The following DHX32 variants were observed in gnomAD, a reference collection of about 807,000 sequenced individuals.
DHX32 encodes putative pre-mRNA-splicing factor ATP-dependent RNA helicase DHX32.
A neutral mutation model predicts 70.0 loss-of-function variants in DHX32; 51 were observed. The ratio of observed to expected loss-of-function variants is 0.73; its 90% confidence interval spans 0.58 to 0.92. The LOEUF is 0.92. DHX32 is among the 40% of genes least tolerant of loss of function. DHX32 has a pLI of 0.00. For synonymous variants in DHX32, 310 were observed against 315.3 expected (o/e 0.98, Z 0.18); for missense variants, 762 against 891.8 (o/e 0.85, Z 1.85).
intron 6 of DHX32, among the ~76,000 whole-genome samples, chr10:125,844,866 C>A (rs1564823983): frequency 6.6e-6 from 1 of 152,372 alleles, no homozygotes; most frequent in Non-Finnish European, 1.5e-5. Flanking sequence ...GGCAGCTGTA[C>A]TCCCTGTGGA....
chr10:125,851,652 C>T (rs1944090379), intron 6 of DHX32, among the ~76,000 whole-genome samples: 1 of 152,054 alleles, frequency 6.6e-6, no homozygotes, highest in Admixed American at 6.5e-5. Flanking sequence ...AATATGCCAC[C>T]CCAAAATATA....
At position 125,866,967 on chromosome 10, in the gene DHX32, CG is replaced by C; in HGVS notation, c.476+22del. The C allele has an allele frequency of 6.2e-7, 1 of 1,600,404 alleles. No homozygotes were observed. The highest frequency in any genetic ancestry group is 8.5e-7 in the Non-Finnish European group (1 of 1,171,946). ...TAAGCCAAGAATCATCAGCAGGGAG[CG>C]GACTGAACCCCACAAACCAACCTCA... On this transcript the variant is annotated intron_variant, in intron 2 of 10. Coordinates refer to ENST00000284690, the MANE Select transcript of DHX32 (RefSeq NM_018180.3). This position sits in a 1 kb window ranked among gnomAD's most constrained non-coding sequence, Gnocchi z 4.8.
chr10:125,892,370 C>A (rs146486584), intron 1 of DHX32, among the ~76,000 whole-genome samples: 45 of 142,018 alleles, frequency 3.2e-4, no homozygotes, highest in South Asian at 1.2e-3. Flanking sequence ...TGCCAGTGAT[C>A]CTTTCCAAAT....
In DHX32 at chr10:125,881,164, T is replaced by TA. The variant is rs547597107; in HGVS notation, c.-341_-340insT. 2.4e-3 allele frequency: 444 copies of TA among 184,166 alleles called. 1 individual carries two copies. Among genetic ancestry groups the TA allele is most frequent in the African/African-American group, 1.0e-2 (424 of 42,518 alleles). The allele number at this position is 184,166 out of a possible 1,614,324, so 11.4% of individuals were successfully genotyped here. ...CAGGAGTTCAAATGAAAAGCATTAT[T>TA]TTTTTTTTTTCTGTTAACGGGTTTC... is the stretch of plus-strand genomic sequence containing the variant. On this transcript the variant is annotated 5_prime_UTR_variant, in exon 1 of 11. Coordinates refer to ENST00000284690, the MANE Select transcript of DHX32 (RefSeq NM_018180.3).
chr10:125,888,539 T>G (rs1944352421), intron 1 of DHX32, among the ~76,000 whole-genome samples: 1 of 152,272 alleles, frequency 6.6e-6, no homozygotes, highest in African/African-American at 2.4e-5. Flanking sequence ...TTATAATTCA[T>G]ATATTTGCAT....
chr10:125,884,917 C>T (rs537049469), upstream of DHX32, among the ~76,000 whole-genome samples: 4 of 152,166 alleles, frequency 2.6e-5, no homozygotes, highest in East Asian at 7.7e-4. Flanking sequence ...CCTCTCTTCC[C>T]CTTTCTCTCT....
chr10:125,850,442 C>T (rs1944076362), intron 6 of DHX32, among the ~76,000 whole-genome samples: 1 of 150,804 alleles, frequency 6.6e-6, no homozygotes, highest in South Asian at 2.1e-4. Context: ...ACCGCAACCT[C>T]CACCTCCTGA....
chr10:125,838,958 A>T (rs1360222346), intron 9 of DHX32, 43 bp downstream of exon 9: 1 of 1,571,496 alleles, frequency 6.4e-7, no homozygotes, highest in African/African-American at 1.4e-5. Flanking sequence ...GAGTATGTGC[A>T]ATTCAGCAGA....
At chr10:125,874,059 C>T (rs559610074) in intron 1 of DHX32, among the ~76,000 whole-genome samples, 7 of 152,092 alleles carry the variant, frequency 4.6e-5, no homozygotes, top group African/African-American at 7.2e-5. Flanking sequence ...CTTTTAGGAT[C>T]GTTCATAACC....
intron 2 of DHX32, among the ~76,000 whole-genome samples, chr10:125,865,530 T>C (rs1440348935): frequency 6.6e-6 from 1 of 152,116 alleles, no homozygotes; most frequent in Non-Finnish European, 1.5e-5. Flanking sequence ...ATGAGCCCCA[T>C]GGGCTTTCTT....
At position 125,880,602 on chromosome 10, in the gene DHX32, G is replaced by A; in HGVS notation, c.223C>T (p.Leu75=). ...WKEKYSFMEN[L]LQNQIVIVSG... ...ACAATCACGATTTGATTTTGAAGCA[G>A]GTTCTCCATAAAGGAGTATTTTTCT... Residue 75 remains leucine, a synonymous_variant, in exon 1 of 11, where the codon CTG becomes TTG. Coordinates refer to ENST00000284690, the MANE Select transcript of DHX32 (RefSeq NM_018180.3). The A allele has an allele frequency of 6.2e-7, 1 of 1,613,590 alleles. No homozygotes were observed. The highest frequency in any genetic ancestry group is 8.5e-7 in the Non-Finnish European group (1 of 1,179,740).
Position 125,852,377 on chromosome 10 carries a change from C to T in DHX32, c.1267G>A (p.Glu423Lys), listed in dbSNP as rs1944102360. Reference protein sequence around the residue: ...MTPLKPAEMQEANLTSMVLFM... With the variant: ...MTPLKPAEMQKANLTSMVLFM... ...AGCACCATGCTTGTTAGGTTGGCTT[C>T]CTGCATTTCTGCTGGCTTCAGTGGC... The change falls in exon 6 of 11, where the codon GAA becomes AAA. Residue 423 changes from glutamate (E) to lysine (K), a missense_variant. Transcript: ENST00000284690. The T allele has an allele frequency of 6.2e-7, 1 of 1,614,110 alleles. No homozygotes were observed.
intron 1 of DHX32, among the ~76,000 whole-genome samples, chr10:125,888,607 T>C (rs1348323626): frequency 6.6e-6 from 1 of 152,296 alleles, no homozygotes; most frequent in Non-Finnish European, 1.5e-5. Context: ...TCTTCTACAA[T>C]ACAAATCTTT....
chr10:125,880,515 C>A, intron 1 of DHX32, 28 bp downstream of exon 1: 4 of 1,549,450 alleles, frequency 2.6e-6, no homozygotes, highest in Non-Finnish European at 3.5e-6. Flanking sequence ...ACACATACAG[C>A]AAATTATTTT....
chr10:125,872,317 G>T (rs1351796257), intron 1 of DHX32, among the ~76,000 whole-genome samples: 1 of 152,168 alleles, frequency 6.6e-6, no homozygotes, highest in Non-Finnish European at 1.5e-5. Flanking sequence ...CATTATTCTG[G>T]ATGGACTAGT....
intron 7 of DHX32, 78 bp from the exon 8 acceptor site, chr10:125,841,074 C>CA (rs1307634926): frequency 7.3e-6 from 11 of 1,504,438 alleles, no homozygotes; most frequent in Non-Finnish European, 9.9e-6. Flanking sequence ...GGGGAGGGGT[C>CA]ACGACTGTTA....
At chr10:125,837,650 CT>C (rs1854737485) in intron 10 of DHX32, among the ~76,000 whole-genome samples, 1 of 152,176 alleles carries the variant, frequency 6.6e-6, no homozygotes, top group African/African-American at 2.4e-5. Flanking sequence ...GTCTTGAACT[CT>C]TGGGCTCAAG....
chr10:125,869,117 T>C (rs1944241067), intron 1 of DHX32, among the ~76,000 whole-genome samples: 1 of 152,234 alleles, frequency 6.6e-6, no homozygotes, highest in African/African-American at 2.4e-5. Context: ...AGAATTTACA[T>C]AAAATTTTGC....
chr10:125,848,759 A>G (rs944572758), intron 6 of DHX32, among the ~76,000 whole-genome samples: 1 of 152,184 alleles, frequency 6.6e-6, no homozygotes, highest in Non-Finnish European at 1.5e-5. Context: ...GAGCTCAGGT[A>G]GGAGTCACTC....
Sources: allele counts gnomAD v4.1 joint callset (sites outside exome capture counted in the v4.1 genomes callset), GRCh38; gene constraint gnomAD v4.1.1; non-coding constraint Gnocchi (gnomAD v3.1); transcripts MANE v1.5; gene names NCBI Gene and HGNC (gene_info 2026-07-23, HGNC 2026-07-21).